Variants in TMA16 observed in about 807,000 individuals in gnomAD.
The protein encoded by TMA16 is translation machinery-associated protein 16.
A neutral mutation model predicts 27.1 loss-of-function variants in TMA16; 26 were observed. That is an observed-to-expected ratio of 0.96 (90% CI 0.70 to 1.33). The LOEUF is 1.33. Among genes scored for constraint, TMA16 ranks in the 40% most tolerant of loss-of-function variants. The pLI is 0.00. For synonymous variants in TMA16, 71 were observed against 81.9 expected, an observed-to-expected ratio of 0.87 and a Z score of 0.72; for missense variants, 233 against 241.4, an observed-to-expected ratio of 0.97 and a Z score of 0.23.
rs371637439 is a variant in TMA16, at chr4:163,507,022, A to G, written c.4-11A>G. 13 of 1,571,220 alleles carry G rather than the reference A, an allele frequency of 8.3e-6. No homozygotes were observed. The highest frequency in any genetic ancestry group is 6.8e-5 in the African/African-American group (5 of 73,710). ...CTGACTATATGTGTCATGTGTTTTCATACATTTTAGCCCAAAGCACCAAAG... is the reference window on the plus strand; with the variant it reads ...CTGACTATATGTGTCATGTGTTTTCGTACATTTTAGCCCAAAGCACCAAAG... On this transcript the variant is annotated splice_polypyrimidine_tract_variant and intron_variant, in intron 1 of 6. Transcript: ENST00000358572.
chr4:163,514,184 A>G, intron 4 of TMA16, 26 bp downstream of exon 4: 1 of 1,560,570 alleles, frequency 6.4e-7, no homozygotes, highest in South Asian at 1.2e-5. Flanking sequence ...ATTATGAGCA[A>G]AGGGTCAGAA....
intron 2 of TMA16, among the ~76,000 whole-genome samples, chr4:163,508,807 T>C (rs1307521408): frequency 6.6e-6 from 1 of 152,216 alleles, no homozygotes; most frequent in Non-Finnish European, 1.5e-5. Context: ...ACAATGTTTG[T>C]ATGTTGTCAG....
chr4:163,498,743 G>A (rs763243471), intron 1 of TMA16, among the ~76,000 whole-genome samples: 11 of 152,250 alleles, frequency 7.2e-5, no homozygotes, highest in Non-Finnish European at 1.0e-4. Flanking sequence ...TAGCTAGCTC[G>A]CTGCAGCCTC....
In TMA16 at chr4:163,519,554, T is replaced by C. The variant is rs199909781; in HGVS notation, c.*40T>C. ...ATTGAAAATAAATAATTTGAGAGCT[T>C]CAAATTATATTCATTGATTATGGTA... is the stretch of plus-strand genomic sequence containing the variant. On this transcript the variant is annotated 3_prime_UTR_variant, in exon 7 of 7. Transcript: ENST00000358572. 1.8e-5 allele frequency: 26 copies of C among 1,484,178 alleles called. No homozygotes were observed. The highest frequency in any genetic ancestry group is 2.2e-5 in the Non-Finnish European group (25 of 1,119,756). 91.9% of individuals were successfully genotyped at this position (1,484,178 alleles called of 1,614,324 possible).
At chr4:163,496,270 A>T (rs576995966) in intron 1 of TMA16, among the ~76,000 whole-genome samples, 8 of 152,206 alleles carry the variant, frequency 5.3e-5, no homozygotes, top group Non-Finnish European at 1.0e-4. Context: ...TTAACCTCCC[A>T]TCTGTTTAAT....
At chr4:163,514,272 T>C in intron 4 of TMA16, 114 bp downstream of exon 4, 4 of 802,234 alleles carry the variant, frequency 5.0e-6, no homozygotes, top group Non-Finnish European at 7.5e-6. Context: ...GGCTTTGTTA[T>C]CAGGAAGACT....
intron 1 of TMA16, among the ~76,000 whole-genome samples, chr4:163,497,730 C>T (rs1179659076): frequency 6.6e-6 from 1 of 152,166 alleles, no homozygotes; most frequent in Non-Finnish European, 1.5e-5. Flanking sequence ...ATAATTTTCC[C>T]CATCTCAAGA....
intron 1 of TMA16, among the ~76,000 whole-genome samples, chr4:163,498,263 T>TAATAGA (rs10699382): frequency 0.6 from 89,960 of 149,428 alleles, 27,339 homozygotes; most frequent in Admixed American, 0.71. Context: ...TAGAATAAAT[T>TAATAGA]AATAGAATTT....
intron 1 of TMA16, among the ~76,000 whole-genome samples, chr4:163,497,198 G>A (rs1326706946): frequency 6.6e-6 from 1 of 152,162 alleles, no homozygotes; most frequent in Non-Finnish European, 1.5e-5. Flanking sequence ...ATCTATAAAT[G>A]TGAGCCACAA....
chr4:163,496,577 A>T (rs1164908750), intron 1 of TMA16, among the ~76,000 whole-genome samples: 1 of 152,100 alleles, frequency 6.6e-6, no homozygotes, highest in Admixed American at 6.6e-5. Context: ...TGCTGCATTA[A>T]AAAGGTTTTT....
intron 1 of TMA16, 175 bp downstream of exon 1, chr4:163,494,979 G>A (rs1737527373): frequency 1.1e-6 from 1 of 905,952 alleles, no homozygotes; most frequent in African/African-American, 1.7e-5. Context: ...CGAGTCCCAG[G>A]CCCAACGCCT....
rs112256328 is a variant in TMA16 at position 163,496,667 on chromosome 4, G to A, written c.3+1863G>A. On this transcript the variant is annotated intron_variant, in intron 1 of 6. Coordinates refer to ENST00000358572, the MANE Select transcript of TMA16 (RefSeq NM_018352.3). ...GGGTGGAGTCCAGTGGCATGATCGC[G>A]GCTCATTGCAACCTCCGCCTCCTGG... 6.0e-3 allele frequency among the ~76,000 whole-genome samples: 910 copies of A among 151,940 alleles called. 10 individuals carry two copies. The highest frequency in any genetic ancestry group is 0.014 in the Middle Eastern group (4 of 292).
chr4:163,504,756 C>T (rs1266010439), intron 1 of TMA16, among the ~76,000 whole-genome samples: 1 of 152,174 alleles, frequency 6.6e-6, no homozygotes. Flanking sequence ...GCCTCAGCCT[C>T]CCAGAGTGCT....
At chr4:163,497,403 C>T (rs1737573939) in intron 1 of TMA16, among the ~76,000 whole-genome samples, 2 of 152,224 alleles carry the variant, frequency 1.3e-5, no homozygotes, top group African/African-American at 2.4e-5. Context: ...TTCTTATTAA[C>T]TGCCATAGTA....
intron 1 of TMA16, among the ~76,000 whole-genome samples, chr4:163,506,609 C>T (rs1373237147): frequency 2.0e-5 from 3 of 152,152 alleles, no homozygotes; most frequent in Non-Finnish European, 4.4e-5. Flanking sequence ...ATTCATTGCC[C>T]GCTTTGTTCC....
chr4:163,498,787 C>T (rs1268022062), intron 1 of TMA16, among the ~76,000 whole-genome samples: 1 of 152,152 alleles, frequency 6.6e-6, no homozygotes, highest in Non-Finnish European at 1.5e-5. Context: ...TCCCCAGTAG[C>T]CAAGATTACG....
At chr4:163,519,150 C>T (rs879823332) in intron 6 of TMA16, among the ~76,000 whole-genome samples, 184 bp from the exon 7 acceptor site, 4 of 152,098 alleles carry the variant, frequency 2.6e-5, no homozygotes, top group Non-Finnish European at 5.9e-5. Context: ...AGGAGATACT[C>T]AGGTTAGAGA....
chr4:163,507,591 G>A (rs1737736180), intron 2 of TMA16, among the ~76,000 whole-genome samples: 1 of 152,122 alleles, frequency 6.6e-6, no homozygotes, highest in African/African-American at 2.4e-5. Context: ...TAGGGGTATT[G>A]ACACAAATTT....
At position 163,519,596 on chromosome 4, in the gene TMA16, C is replaced by G. The variant is rs1737938714; in HGVS notation, c.*82C>G. The G allele has an allele frequency of 7.5e-7, 1 of 1,327,022 alleles. No individual in the cohort carries two copies. Among genetic ancestry groups the G allele is most frequent in the Non-Finnish European group, 1.0e-6 (1 of 993,424 alleles). 82.2% of individuals were successfully genotyped at this position (1,327,022 alleles called of 1,614,324 possible). ...ATTATGGTACCTAATTGTCATGATA[C>G]AAAAATTTGATACTGACATTCTCTT... On this transcript the variant is annotated 3_prime_UTR_variant, in exon 7 of 7. Transcript: ENST00000358572.
Sources: gnomAD v4.1 joint callset for allele counts (sites outside exome capture counted in the v4.1 genomes callset) on GRCh38, gnomAD v4.1.1 for gene constraint, MANE v1.5 for transcripts, NCBI Gene and HGNC (gene_info 2026-07-23, HGNC 2026-07-21) for gene names.